Variants in GRTP1 observed in about 807,000 individuals in gnomAD.
GRTP1 encodes the protein growth hormone-regulated TBC protein 1.
A neutral mutation model predicts 38.1 loss-of-function variants in GRTP1; 56 were observed. That is an observed-to-expected ratio of 1.47 (90% CI 1.19 to 1.84). The LOEUF (loss-of-function observed/expected upper bound fraction) is 1.84, where lower values mean the gene tolerates loss of function less well. Ranked by LOEUF, GRTP1 falls within the 40% of genes most tolerant of loss-of-function variation. GRTP1 has a pLI of 0.00. For missense variants in GRTP1, 506 were observed against 453.9 expected (o/e 1.11, Z -1.04); for synonymous variants, 217 against 189.5 (o/e 1.14, Z -1.19).
At chr13:113,333,838 A>ATTTATTTAGTGTGTGT (rs749095615) in intron 5 of GRTP1, among the ~76,000 whole-genome samples, 1 of 23,598 alleles carries the variant, frequency 4.2e-5, no homozygotes, top group African/African-American at 6.8e-5. Context: ...TTATTTATTT[A>ATTTATTTAGTGTGTGT]GTGTGTGTGT....
chr13:113,343,071 G>A lies in GRTP1; in HGVS notation c.562+1792C>T, dbSNP rs770539928. Among the ~76,000 whole-genome samples, 17 of 152,074 alleles carry A rather than the reference G, an allele frequency of 1.1e-4. No individual in the cohort carries two copies. The highest frequency in any genetic ancestry group is 2.2e-4 in the African/African-American group (9 of 41,486). ...GATGTTTCCCACACCCCTGAACGGC[G>A]CCCAGAACACGATAGGTTTTCAACA... On this transcript the variant is annotated intron_variant, in intron 5 of 7. Coordinates refer to ENST00000375431, the MANE Select transcript of GRTP1 (RefSeq NM_024719.4). The surrounding 1 kb of genome is among the most constrained non-coding windows in gnomAD (Gnocchi z 4.8).
At chr13:113,336,451 A>G (rs58178190) in intron 5 of GRTP1, among the ~76,000 whole-genome samples, 148,438 of 152,206 alleles carry the variant, frequency 0.98, 72,494 homozygotes, top group East Asian at 1. Context: ...AGCACTAGGA[A>G]AGGCCAACTT....
chr13:113,335,504 C>T (rs1199821564), intron 5 of GRTP1, among the ~76,000 whole-genome samples: 1 of 152,104 alleles, frequency 6.6e-6, no homozygotes, highest in African/African-American at 2.4e-5. Flanking sequence ...TCCAAATCTT[C>T]TCTTCTAGCT....
chr13:113,352,376 A>ATATAT (rs1350485576), intron 3 of GRTP1, among the ~76,000 whole-genome samples: 4 of 37,688 alleles, frequency 1.1e-4, no homozygotes, highest in Non-Finnish European at 1.5e-4. Context: ...ATATATATAT[A>ATATAT]TTTATATATA....
chr13:113,332,976 C>A (rs1418223458), intron 5 of GRTP1, among the ~76,000 whole-genome samples: 17 of 152,250 alleles, frequency 1.1e-4, no homozygotes. Flanking sequence ...CAACCGCCTT[C>A]TAGTGACCAG....
At position 113,325,251 on chromosome 13, in the gene GRTP1, AGCCTCTCCTG is replaced by A. The variant is rs1376067152; in HGVS notation, c.921+400_921+409del. 35 of 1,223,518 alleles carry A rather than the reference AGCCTCTCCTG, an allele frequency of 2.9e-5. No homozygotes were observed. The East Asian group carries it at 6.1e-4, about 21-fold the overall frequency. The allele number at this position is 1,223,518 out of a possible 1,614,324, so 75.8% of individuals were successfully genotyped here. On this transcript the variant is annotated intron_variant, in intron 7 of 7. Transcript: ENST00000375431. ...AGGAAACTACTGACTCCCAGGCCTG[AGCCTCTCCTG>A]GCGTCTTGGCTTCCTCAGAAGGCCT...
At chr13:113,359,318 C>G (rs142859681) in intron 2 of GRTP1, among the ~76,000 whole-genome samples, 9 of 152,280 alleles carry the variant, frequency 5.9e-5, no homozygotes, top group African/African-American at 2.2e-4. Context: ...TTCACAGAAC[C>G]ATATACTGTT....
chr13:113,327,613 G>T (rs191141141), intron 5 of GRTP1, among the ~76,000 whole-genome samples: 14 of 152,346 alleles, frequency 9.2e-5, no homozygotes. Context: ...GCCTCTGAAG[G>T]TGATTTAGCC....
At position 113,324,896 on chromosome 13, in the gene GRTP1, G is replaced by A. The variant is rs1008668991; in HGVS notation, c.922-319C>T. The A allele has an allele frequency of 5.9e-5, 45 of 764,464 alleles. No homozygotes were observed. In the Admixed American group the frequency reaches 8.9e-4, roughly 15 times the overall value. 47.4% of individuals were successfully genotyped at this position (764,464 alleles called of 1,614,324 possible). ...GGCTGGAGTGCAGTGGCGCGATCTC[G>A]GCTCACTGCAACCTCCGCCTCCCAG... On this transcript the variant is annotated intron_variant, in intron 7 of 7. Coordinates refer to ENST00000375431, the MANE Select transcript of GRTP1 (RefSeq NM_024719.4).
intron 2 of GRTP1, among the ~76,000 whole-genome samples, chr13:113,359,064 AAAGG>A (rs1290173010): frequency 2.0e-5 from 3 of 152,230 alleles, no homozygotes; most frequent in African/African-American, 7.2e-5. Flanking sequence ...TCAGCAATAA[AAAGG>A]AAGGAACTAT....
intron 7 of GRTP1, 154 bp downstream of exon 7, chr13:113,325,507 G>A: frequency 1.3e-6 from 2 of 1,492,154 alleles, no homozygotes. Flanking sequence ...CCAGGCGCAG[G>A]GGGCAGATGC....
At chr13:113,352,247 T>A (rs1207337717) in intron 3 of GRTP1, among the ~76,000 whole-genome samples, 1 of 86,144 alleles carries the variant, frequency 1.2e-5, no homozygotes, top group East Asian at 5.2e-4. Context: ...TATATATTTA[T>A]ATATATTTAT....
Position 113,342,105 on chromosome 13 carries a change from T to C in GRTP1, c.562+2758A>G, listed in dbSNP as rs1184324172. ...TTACAGGCATCTGCCACCACACCTG[T>C]CTAATTTTTGTATTTTTAGTGGAGG... On this transcript the variant is annotated intron_variant, in intron 5 of 7. Transcript: ENST00000375431. The surrounding 1 kb of genome is among the most constrained non-coding windows in gnomAD (Gnocchi z 4.5). Among the ~76,000 whole-genome samples the C allele has an allele frequency of 6.6e-6, 1 of 152,016 alleles. No individual in the cohort carries two copies. Among genetic ancestry groups the C allele is most frequent in the Non-Finnish European group, 1.5e-5 (1 of 67,986 alleles).
intron 2 of GRTP1, among the ~76,000 whole-genome samples, chr13:113,362,233 G>A (rs1244701814): frequency 6.6e-6 from 1 of 152,004 alleles, no homozygotes; most frequent in Admixed American, 6.6e-5. Flanking sequence ...AGGAGGCTGA[G>A]GCAGGAGAAT....
intron 4 of GRTP1, among the ~76,000 whole-genome samples, chr13:113,350,407 A>C (rs1035672814): frequency 1.3e-5 from 2 of 151,342 alleles, no homozygotes; most frequent in Non-Finnish European, 2.9e-5. Flanking sequence ...CTCACAGCAC[A>C]TGCACCCCAT....
intron 2 of GRTP1, chr13:113,355,862 G>T (rs1465312231): frequency 1.2e-5 from 2 of 162,358 alleles, no homozygotes; most frequent in Non-Finnish European, 2.7e-5. Flanking sequence ...GCTGGGCTCA[G>T]CTGTGAGCAC....
At chr13:113,359,703 C>T (rs2043460093) in intron 2 of GRTP1, 1 of 152,226 alleles carries the variant, frequency 6.6e-6, no homozygotes, top group Non-Finnish European at 1.5e-5. Flanking sequence ...CCTTGGTTTC[C>T]TCATCGTAAA....
chr13:113,326,111 A>G lies in GRTP1; in HGVS notation c.563-20T>C, dbSNP rs2042764194. ...AGTAATCTGCCAGGCAATGTGGAGAAAAGACCCCGAGACACTCCCGTCACC... is the reference window on the plus strand; with the variant it reads ...AGTAATCTGCCAGGCAATGTGGAGAGAAGACCCCGAGACACTCCCGTCACC... On this transcript the variant is annotated intron_variant, in intron 5 of 7. Coordinates refer to ENST00000375431, the MANE Select transcript of GRTP1 (RefSeq NM_024719.4). 6.2e-7 allele frequency: 1 copy of G among 1,602,914 alleles called. No individual in the cohort carries two copies. The highest frequency in any genetic ancestry group is 8.5e-7 in the Non-Finnish European group (1 of 1,179,442).
At chr13:113,333,802 C>CTTTATTTATTTATTTATTTA in intron 5 of GRTP1, among the ~76,000 whole-genome samples, 1 of 124,900 alleles carries the variant, frequency 8.0e-6, no homozygotes, top group South Asian at 2.6e-4. Flanking sequence ...AGTGCCTGTA[C>CTTTATTTATTTATTTATTTA]TTTATTTATT....
Sources: gnomAD v4.1 joint callset for allele counts (sites outside exome capture counted in the v4.1 genomes callset) on GRCh38, gnomAD v4.1.1 for gene constraint, Gnocchi (gnomAD v3.1) non-coding constraint, MANE v1.5 for transcripts, NCBI Gene and HGNC (gene_info 2026-07-23, HGNC 2026-07-21) for gene names.